EGFLAM: variants seen among roughly 807,000 people sequenced by gnomAD.
EGFLAM encodes EGF like, fibronectin type III and laminin G domains, also known as pikachurin.
EGFLAM carries 79 observed loss-of-function variants against 113.1 expected under a neutral mutation model. The observed-to-expected ratio is 0.70, with a 90% CI of 0.58 to 0.84. The LOEUF (loss-of-function observed/expected upper bound fraction) is 0.84, where lower values mean the gene tolerates loss of function less well. Ranked by LOEUF, EGFLAM falls within the 40% of genes least tolerant of loss-of-function variation. The probability of loss-of-function intolerance (pLI) is 0.00; values close to 1 mark genes in which losing one functional copy is unlikely to be tolerated. For synonymous variants in EGFLAM, 504 were observed against 487.6 expected (o/e 1.03, Z -0.44); for missense variants, 1,265 against 1,291.6 (o/e 0.98, Z 0.32).
At chr5:38,449,292 G>A (rs1470076313) in intron 18 of EGFLAM, among the ~76,000 whole-genome samples, 1 of 152,162 alleles carries the variant, frequency 6.6e-6, no homozygotes, top group African/African-American at 2.4e-5. Context: ...GGAACAAAAT[G>A]TGGTTGGGAG....
chr5:38,309,600 A>T (rs556791907), intron 1 of EGFLAM, among the ~76,000 whole-genome samples: 79 of 152,278 alleles, frequency 5.2e-4, no homozygotes, highest in Middle Eastern at 3.4e-3. Context: ...CACAACCATC[A>T]GCTGTGTGTA....
At chr5:38,332,861 C>T (rs2111930734) in intron 1 of EGFLAM, among the ~76,000 whole-genome samples, 1 of 152,312 alleles carries the variant, frequency 6.6e-6, no homozygotes, top group East Asian at 1.9e-4. Flanking sequence ...AACCCACAAC[C>T]TTCAGTGTGC....
intron 1 of EGFLAM, among the ~76,000 whole-genome samples, chr5:38,279,159 T>A (rs1228375857): frequency 6.6e-6 from 1 of 152,090 alleles, no homozygotes; most frequent in African/African-American, 2.4e-5. Context: ...AAATCAAAAT[T>A]ACAATGAGAT....
At chr5:38,385,656 A>G (rs6875441) in intron 6 of EGFLAM, among the ~76,000 whole-genome samples, 2 of 151,902 alleles carry the variant, frequency 1.3e-5, no homozygotes, top group Non-Finnish European at 2.9e-5. Context: ...TGTCACAGAC[A>G]CTCACAGTAC....
Position 38,427,205 on chromosome 5 carries a change from C to T in EGFLAM, c.2007C>T (p.Gly669=). ...KDFLSINLAG[G]HVEFRFDCGS... ...TCCTGTCCATCAACTTGGCAGGGGGCCACGTGGAGTTCCGCTTTGACTGTG... is the reference window on the plus strand; with the variant it reads ...TCCTGTCCATCAACTTGGCAGGGGGTCACGTGGAGTTCCGCTTTGACTGTG... The change falls in exon 14 of 22, where the codon GGC becomes GGT. Residue 669 remains glycine (G), a synonymous_variant. Transcript: ENST00000322350. 2 of 1,614,168 alleles carry T rather than the reference C, an allele frequency of 1.2e-6. No individual in the cohort carries two copies. Among genetic ancestry groups the T allele is most frequent in the African/African-American group, 1.3e-5 (1 of 75,034 alleles).
At chr5:38,303,847 G>A (rs533849011) in intron 1 of EGFLAM, among the ~76,000 whole-genome samples, 3 of 152,226 alleles carry the variant, frequency 2.0e-5, no homozygotes, top group African/African-American at 7.2e-5. Context: ...TAAGAAAACA[G>A]AATATAGCCT....
intron 11 of EGFLAM, among the ~76,000 whole-genome samples, chr5:38,414,692 C>T (rs1741585896): frequency 6.6e-6 from 1 of 152,074 alleles, no homozygotes; most frequent in Non-Finnish European, 1.5e-5. Context: ...ACTTGAAATC[C>T]CTTCAATGAT....
intron 6 of EGFLAM, among the ~76,000 whole-genome samples, chr5:38,386,749 C>A (rs2112076947): frequency 1.3e-5 from 2 of 152,342 alleles, no homozygotes; most frequent in East Asian, 3.9e-4. Flanking sequence ...TTGTGATCTG[C>A]CCGCCTCGGC....
chr5:38,393,474 A>G (rs921009478), intron 6 of EGFLAM, among the ~76,000 whole-genome samples: 1 of 152,208 alleles, frequency 6.6e-6, no homozygotes, highest in African/African-American at 2.4e-5. Context: ...TCATGGCAGG[A>G]AGAGTGCAGG....
chr5:38,270,698 A>G (rs1489450125), intron 1 of EGFLAM, among the ~76,000 whole-genome samples: 4 of 152,182 alleles, frequency 2.6e-5, no homozygotes, highest in Non-Finnish European at 5.9e-5. Context: ...TGCCTTATAT[A>G]TTTCATCTGA....
In EGFLAM at chr5:38,258,782, C is replaced by G. The variant is rs1173663031; in HGVS notation, c.28C>G (p.Arg10Gly). 1 of 1,612,022 alleles carries G rather than the reference C, an allele frequency of 6.2e-7. No individual in the cohort carries two copies. Among genetic ancestry groups the G allele is most frequent in the Non-Finnish European group, 8.5e-7 (1 of 1,179,416 alleles). ...GGATTTAATCCGAGGCGTCTTGCTCCGGCTCCTGCTCCTGGCTTCCAGCCT... is the reference window on the plus strand; with the variant it reads ...GGATTTAATCCGAGGCGTCTTGCTCGGGCTCCTGCTCCTGGCTTCCAGCCT... MDLIRGVLL[R>G]LLLLASSLGP... Residue 10 changes from arginine to glycine, a missense_variant, in exon 1 of 22, where the codon CGG (arginine) becomes GGG (glycine). By Grantham distance (125) the Arg-to-Gly change is moderately radical. Coordinates refer to ENST00000322350, the MANE Select transcript of EGFLAM (RefSeq NM_152403.4).
intron 6 of EGFLAM, among the ~76,000 whole-genome samples, chr5:38,383,492 C>T (rs1212816246): frequency 6.6e-6 from 1 of 151,040 alleles, no homozygotes; most frequent in Admixed American, 6.6e-5. Context: ...ATTTCTGACT[C>T]TACATTGATT....
intron 1 of EGFLAM, among the ~76,000 whole-genome samples, chr5:38,265,244 A>G (rs7730417): frequency 0.039 from 5,879 of 152,280 alleles, 239 homozygotes; most frequent in African/African-American, 0.099. Context: ...CTACAGCCCA[A>G]AAGTGGTCTA....
At chr5:38,350,945 G>T (rs2366976) in intron 4 of EGFLAM, among the ~76,000 whole-genome samples, 32,950 of 151,864 alleles carry the variant, frequency 0.22, 3,751 homozygotes, top group African/African-American at 0.29. Context: ...GGTGAGGAAG[G>T]GGAGTGGGAG....
At position 38,451,300 on chromosome 5, in the gene EGFLAM, G is replaced by C; in HGVS notation, c.2544-15G>C. 3 of 1,609,336 alleles carry C rather than the reference G, an allele frequency of 1.9e-6. No homozygotes were observed. The highest frequency in any genetic ancestry group is 2.5e-6 in the Non-Finnish European group (3 of 1,176,948). ...GGTGGTTGATTTGGTGGACTTATTTGTGTATTTCCTCCAGGGTGTCAGGAT... is the reference window on the plus strand; with the variant it reads ...GGTGGTTGATTTGGTGGACTTATTTCTGTATTTCCTCCAGGGTGTCAGGAT... On this transcript the variant is annotated splice_polypyrimidine_tract_variant and intron_variant, in intron 18 of 21. Transcript: ENST00000322350.
chr5:38,418,344 C>T lies in EGFLAM; in HGVS notation c.1684+89C>T. 2.0e-6 allele frequency: 3 copies of T among 1,477,380 alleles called. No individual in the cohort carries two copies. The East Asian group carries it at 7.2e-5, about 36-fold the overall frequency. 91.5% of individuals were successfully genotyped at this position (1,477,380 alleles called of 1,614,324 possible). A position where few individuals can be genotyped will look rare whatever the true frequency, so the allele number is the denominator to read the frequency against. ...CTGGCTTGGGCCATGGAGGGAGCAG[C>T]AACATTAGGTGCTACCCTGGGAAGC... On this transcript the variant is annotated intron_variant, in intron 12 of 21. Transcript: ENST00000322350.
Position 38,458,409 on chromosome 5 carries a change from C to T in EGFLAM, c.2771+15C>T, listed in dbSNP as rs762455805. 3 of 1,612,438 alleles carry T rather than the reference C, an allele frequency of 1.9e-6. No homozygotes were observed. The African/African-American group carries it at 4.0e-5, about 22-fold the overall frequency. ...AAGGCCGTTAGGTGAGTCCCTCCCG[C>T]AGCATGAGGCAGAGCCAGAGCTGAG... On this transcript the variant is annotated intron_variant, in intron 20 of 21. Transcript: ENST00000322350.
chr5:38,307,186 G>A (rs1758741818), intron 1 of EGFLAM, among the ~76,000 whole-genome samples: 1 of 152,124 alleles, frequency 6.6e-6, no homozygotes, highest in Admixed American at 6.6e-5. Context: ...TAAGTTTTGG[G>A]GTTGTTTTTC....
chr5:38,415,469 ACT>A (rs1741612419), intron 11 of EGFLAM, among the ~76,000 whole-genome samples: 1 of 152,120 alleles, frequency 6.6e-6, no homozygotes, highest in Non-Finnish European at 1.5e-5. Context: ...GATCACTTGA[ACT>A]CAGCCTAGCC....
Sources: gnomAD v4.1 joint callset for allele counts (sites outside exome capture counted in the v4.1 genomes callset) on GRCh38, gnomAD v4.1.1 for gene constraint, MANE v1.5 for transcripts, NCBI Gene and HGNC (gene_info 2026-07-23, HGNC 2026-07-21) for gene names.